PCDH11X: variants seen among roughly 807,000 people sequenced by gnomAD.
PCDH11X encodes protocadherin-11 X-linked.
Under a neutral mutation model 53.3 loss-of-function variants are expected in PCDH11X, and 18 were observed. That is an observed-to-expected ratio of 0.34 (90% CI 0.23 to 0.50). The LOEUF (loss-of-function observed/expected upper bound fraction) is 0.50, where lower values mean the gene tolerates loss of function less well. Among genes scored for constraint, PCDH11X ranks in the 20% least tolerant of loss-of-function variants. PCDH11X has a pLI of 0.98. For synonymous variants in PCDH11X, 279 were observed against 393.3 expected (o/e 0.71, Z 3.44); for missense variants, 570 against 1,032.4 (o/e 0.55, Z 6.14).
chrX:91,796,781 C>T (rs1935750195), intron 1 of PCDH11X, among the ~76,000 whole-genome samples: 1 of 111,029 alleles, frequency 9.0e-6, no homozygotes, highest in African/African-American at 3.3e-5. Flanking sequence ...TCTTAGATGT[C>T]TACTTCTGTG....
chrX:92,170,010 G>A (rs1384650312), intron 6 of PCDH11X, among the ~76,000 whole-genome samples: 8 of 111,106 alleles, frequency 7.2e-5, no homozygotes, highest in Non-Finnish European at 1.3e-4. Flanking sequence ...TGCATACAAA[G>A]TAGCTTTCAG....
At chrX:92,175,756 ATGTGTGTG>A (rs751094829) in intron 6 of PCDH11X, among the ~76,000 whole-genome samples, 772 of 70,954 alleles carry the variant, frequency 0.011, 11 homozygotes, top group African/African-American at 0.036. Context: ...GTATACATAT[ATGTGTGTG>A]TGTGTGTGTG....
intron 6 of PCDH11X, among the ~76,000 whole-genome samples, chrX:91,904,611 CAAT>C (rs1032050173): frequency 9.0e-6 from 1 of 110,927 alleles, no homozygotes; most frequent in African/African-American, 3.3e-5. Flanking sequence ...CCTACCAACT[CAAT>C]GATAATAAGT....
intron 10 of PCDH11X, among the ~76,000 whole-genome samples, chrX:92,544,599 T>C (rs989377248): frequency 1.5e-4 from 16 of 109,604 alleles, no homozygotes; most frequent in Non-Finnish European, 2.1e-4. Flanking sequence ...TCTTGTCTTA[T>C]GTGAACTCCC....
intron 9 of PCDH11X, among the ~76,000 whole-genome samples, chrX:92,466,424 T>C (rs1231845255): frequency 1.8e-5 from 2 of 108,491 alleles, no homozygotes; most frequent in Non-Finnish European, 3.8e-5. Context: ...TTATAATGAA[T>C]GCATTTCTTA....
chrX:92,143,991 G>A (rs2065230686), intron 6 of PCDH11X, among the ~76,000 whole-genome samples: 1 of 111,962 alleles, frequency 8.9e-6, no homozygotes, highest in Non-Finnish European at 1.9e-5. Context: ...TCATTTTGGA[G>A]CTTTAAAATT....
chrX:91,957,221 G>A (rs2525351), intron 6 of PCDH11X, among the ~76,000 whole-genome samples: 9,354 of 108,411 alleles, frequency 0.086, 612 homozygotes, highest in African/African-American at 0.18. Flanking sequence ...AGCTCAATGT[G>A]GTTTGTTATT....
At chrX:92,041,789 C>T (rs1298412377) in intron 6 of PCDH11X, among the ~76,000 whole-genome samples, 1 of 110,934 alleles carries the variant, frequency 9.0e-6, no homozygotes, top group African/African-American at 3.3e-5. Flanking sequence ...GACAACACGG[C>T]GAAACCCCAT....
At chrX:92,129,918 T>A (rs1435503518) in intron 6 of PCDH11X, among the ~76,000 whole-genome samples, 1 of 111,820 alleles carries the variant, frequency 8.9e-6, no homozygotes, top group Non-Finnish European at 1.9e-5. Flanking sequence ...AACAACATCA[T>A]TCTGTGAGAT....
intron 10 of PCDH11X, among the ~76,000 whole-genome samples, chrX:92,472,766 T>G (rs781627272): frequency 9.0e-6 from 1 of 111,490 alleles, no homozygotes; most frequent in Admixed American, 9.5e-5. Context: ...ATAAAATGTT[T>G]TTCCATTTGT....
chrX:92,368,954 T>C (rs1008299476), intron 8 of PCDH11X, among the ~76,000 whole-genome samples: 1 of 105,362 alleles, frequency 9.5e-6, no homozygotes, highest in African/African-American at 3.5e-5. Flanking sequence ...GGGAGGTCTC[T>C]CCCAGTCAGG....
chrX:91,907,410 C>CAGAGAGAGAGAGAG (rs1302662059), intron 6 of PCDH11X, among the ~76,000 whole-genome samples: 65 of 56,196 alleles, frequency 1.2e-3, no homozygotes, highest in African/African-American at 4.3e-3. Flanking sequence ...CACACACACA[C>CAGAGAGAGAGAGAG]ACAGAGAGAG....
chrX:92,470,810 T>C lies in PCDH11X; in HGVS notation c.3367+2488T>C, dbSNP rs930223887. ...CTCTAGGTTAAATCCCACTTGGTCA[T>C]GATGAATGATGTTTTCAATGTGTTG... On this transcript the variant is annotated intron_variant, in intron 10 of 10. Transcript: ENST00000682573. Among the ~76,000 whole-genome samples, 3 of 110,186 alleles carry C rather than the reference T, an allele frequency of 2.7e-5. No homozygotes were observed. The Admixed American group carries it at 2.9e-4, about 11-fold the overall frequency.
At position 91,792,532 on chromosome X, in the gene PCDH11X, G is replaced by T. The variant is rs180855994; in HGVS notation, c.-379+12848G>T. Among the ~76,000 whole-genome samples the T allele has an allele frequency of 6.0e-3, 667 of 110,814 alleles. 3 individuals are homozygous for T. The highest frequency in any genetic ancestry group is 0.021 in the African/African-American group (628 of 30,433). On this transcript the variant is annotated intron_variant, in intron 1 of 10. Transcript: ENST00000682573. ...AGTGAAGGTTGAGCAATATTAGCCAGAAGACAATACTGTATAATACATACT... is the reference window on the plus strand; with the variant it reads ...AGTGAAGGTTGAGCAATATTAGCCATAAGACAATACTGTATAATACATACT...
At position 91,837,438 on chromosome X, in the gene PCDH11X, C is replaced by T. The variant is rs1342995696; in HGVS notation, c.540+1394C>T. Among the ~76,000 whole-genome samples, 19 of 111,113 alleles carry T rather than the reference C, an allele frequency of 1.7e-4. 1 individual carries two copies. The Admixed American group carries it at 1.8e-3, about 11-fold the overall frequency. On this transcript the variant is annotated intron_variant, in intron 5 of 10. Coordinates refer to ENST00000682573, the MANE Select transcript of PCDH11X (RefSeq NM_032968.5). The stretch of plus-strand genomic sequence containing the variant: ...AAGTGAGCACTTTGGGGTGAAGTTC[C>T]TGCAATGACATCTCCTTATCTGATG...
chrX:92,379,272 A>G (rs769677909), intron 8 of PCDH11X, among the ~76,000 whole-genome samples: 1 of 113,136 alleles, frequency 8.8e-6, no homozygotes, highest in African/African-American at 3.2e-5. Context: ...TTGGCCTCTC[A>G]GCTCTCCAGC....
intron 10 of PCDH11X, among the ~76,000 whole-genome samples, chrX:92,606,997 T>C (rs1455760893): frequency 9.0e-6 from 1 of 110,883 alleles, no homozygotes; most frequent in Non-Finnish European, 1.9e-5. Context: ...CTAAGATTGC[T>C]GTAATAAAAA....
At chrX:92,158,107 T>A (rs1158509331) in intron 6 of PCDH11X, among the ~76,000 whole-genome samples, 1 of 110,941 alleles carries the variant, frequency 9.0e-6, no homozygotes, top group East Asian at 2.8e-4. Context: ...TCCCAGCTAC[T>A]GGGGAGGCTG....
intron 9 of PCDH11X, among the ~76,000 whole-genome samples, chrX:92,403,329 G>GTTTTTTTTTCTTTTTT (rs1178198433): frequency 1.7e-5 from 1 of 58,816 alleles, no homozygotes; most frequent in East Asian, 7.8e-4. Flanking sequence ...GGGCATTTAC[G>GTTTTTTTTTCTTTTTT]TTTTTTTTTG....
Sources: allele counts gnomAD v4.1 joint callset (sites outside exome capture counted in the v4.1 genomes callset), GRCh38; gene constraint gnomAD v4.1.1; transcripts MANE v1.5; gene names NCBI Gene and HGNC (gene_info 2026-07-23, HGNC 2026-07-21).